Variants in MOGAT1 observed in about 807,000 individuals in gnomAD.
MOGAT1 encodes the protein monoacylglycerol O-acyltransferase 1.
MOGAT1 carries 32 observed loss-of-function variants against 31.4 expected under a neutral mutation model. The observed-to-expected ratio is 1.02, with a 90% CI of 0.77 to 1.37. The LOEUF (loss-of-function observed/expected upper bound fraction) is 1.37. Ranked by LOEUF, MOGAT1 falls within the 40% of genes most tolerant of loss-of-function variation. The pLI, the probability that MOGAT1 is intolerant of heterozygous loss-of-function variation, is 0.00. For synonymous variants in MOGAT1, 145 were observed against 144.5 expected (o/e 1.00, Z -0.03); for missense variants, 426 against 402.0 (o/e 1.06, Z -0.51).
intron 1 of MOGAT1, among the ~76,000 whole-genome samples, chr2:222,687,511 C>T (rs1470155802): frequency 6.6e-6 from 1 of 152,160 alleles, no homozygotes; most frequent in Non-Finnish European, 1.5e-5. Flanking sequence ...ATAACATAGA[C>T]ATTTAAAAAA....
chr2:222,688,401 A>C lies in MOGAT1; in HGVS notation c.152A>C (p.Tyr51Ser). ...MLIIHNYLFL[Y>S]IPYLMWLYFD... ...ATCATACACAACTATTTGTTCCTTT[A>C]CATCCCTTATTTGATGTGGCTTTAC... Residue 51 changes from tyrosine to serine, a missense_variant, in exon 2 of 6, where the codon TAC (tyrosine) becomes TCC (serine). By Grantham distance (144) the Tyr-to-Ser change is moderately radical. Coordinates refer to ENST00000446656, the MANE Select transcript of MOGAT1 (RefSeq NM_058165.3). The C allele has an allele frequency of 6.2e-7, 1 of 1,613,456 alleles. No homozygotes were observed. The highest frequency in any genetic ancestry group is 8.5e-7 in the Non-Finnish European group (1 of 1,179,674).
At chr2:222,695,013 A>G in intron 4 of MOGAT1, 76 bp from the exon 5 acceptor site, 1 of 1,194,438 alleles carries the variant, frequency 8.4e-7, no homozygotes, top group Non-Finnish European at 1.1e-6. Flanking sequence ...AAGTTGTTGC[A>G]AGAGTCAGCT....
intron 5 of MOGAT1, chr2:222,699,224 G>C (rs987174994): frequency 1.3e-5 from 2 of 152,150 alleles, no homozygotes; most frequent in African/African-American, 4.8e-5. Flanking sequence ...GAATGGTCTC[G>C]ATCTCTTGAC....
At chr2:222,706,723 A>T (rs1336212041) in intron 5 of MOGAT1, among the ~76,000 whole-genome samples, 1 of 152,106 alleles carries the variant, frequency 6.6e-6, no homozygotes, top group Non-Finnish European at 1.5e-5. Context: ...GAATAGTTAC[A>T]TTAACCTCTC....
intron 1 of MOGAT1, among the ~76,000 whole-genome samples, chr2:222,674,950 C>T (rs903333728): frequency 2.0e-5 from 3 of 152,156 alleles, no homozygotes; most frequent in Non-Finnish European, 2.9e-5. Context: ...GGATTACAGG[C>T]GCTAGCCACT....
intron 5 of MOGAT1, among the ~76,000 whole-genome samples, chr2:222,708,180 TTC>T (rs1693034821): frequency 6.6e-6 from 1 of 152,152 alleles, no homozygotes; most frequent in African/African-American, 2.4e-5. Flanking sequence ...GCCTCCTGGG[TTC>T]TAGAGGTTGT....
At chr2:222,674,087 T>C (rs371753360) in intron 1 of MOGAT1, among the ~76,000 whole-genome samples, 11 of 152,192 alleles carry the variant, frequency 7.2e-5, no homozygotes, top group East Asian at 5.8e-4. Context: ...TAAAGTGAGT[T>C]ACTCAAGATC....
At chr2:222,701,797 G>A (rs1020654269) in intron 5 of MOGAT1, among the ~76,000 whole-genome samples, 6 of 152,192 alleles carry the variant, frequency 3.9e-5, no homozygotes, top group Non-Finnish European at 7.3e-5. Flanking sequence ...TTGTCATTAA[G>A]AGGCATTTAT....
chr2:222,700,282 G>A (rs927491015), intron 5 of MOGAT1, among the ~76,000 whole-genome samples: 4 of 152,222 alleles, frequency 2.6e-5, no homozygotes, highest in Middle Eastern at 6.8e-3. Flanking sequence ...ATTTGATATC[G>A]CCCAGTTATA....
chr2:222,683,629 G>A (rs1256297521), intron 1 of MOGAT1, among the ~76,000 whole-genome samples: 1 of 152,004 alleles, frequency 6.6e-6, no homozygotes, highest in African/African-American at 2.4e-5. Flanking sequence ...TTGTGAGGCT[G>A]AGGCAGGAGA....
At chr2:222,692,596 T>C (rs1038839232) in intron 3 of MOGAT1, among the ~76,000 whole-genome samples, 1 of 151,838 alleles carries the variant, frequency 6.6e-6, no homozygotes, top group African/African-American at 2.4e-5. Context: ...GCTGTCACTG[T>C]AGAGCTGTCA....
At chr2:222,695,389 T>C in intron 5 of MOGAT1, 101 bp downstream of exon 5, 2 of 672,444 alleles carry the variant, frequency 3.0e-6, no homozygotes, top group Non-Finnish European at 4.8e-6. Context: ...GAGTAAGAAC[T>C]TCCTGAAACA....
rs1692723585 is a variant in MOGAT1, at chr2:222,689,277, C to A, written c.286C>A (p.Gln96Lys). Residue 96 changes from glutamine to lysine, a missense_variant, in exon 3 of 6, where the codon CAA (glutamine) becomes AAA (lysine). Coordinates refer to ENST00000446656, the MANE Select transcript of MOGAT1 (RefSeq NM_058165.3). Reference sequence around the variant, plus strand: ...GAATGTGCTGTAGCTTATCAAAACTCAAGATTTGGATCCAAGTCACAACTA... The same window carrying A: ...GAATGTGCTGTAGCTTATCAAAACTAAAGATTTGGATCCAAGTCACAACTA... ...DYFPIHLIKT[Q>K]DLDPSHNYIF... 6.2e-7 allele frequency: 1 copy of A among 1,612,872 alleles called. No individual in the cohort carries two copies. Among genetic ancestry groups the A allele is most frequent in the South Asian group, 1.1e-5 (1 of 91,008 alleles).
chr2:222,696,080 GAA>G (rs1385858827), intron 5 of MOGAT1, among the ~76,000 whole-genome samples: 3 of 152,188 alleles, frequency 2.0e-5, no homozygotes, highest in African/African-American at 7.2e-5. Flanking sequence ...CCAGGTTGCT[GAA>G]AATGCCATTA....
chr2:222,687,851 C>G (rs1251244252), intron 1 of MOGAT1, among the ~76,000 whole-genome samples: 2 of 152,156 alleles, frequency 1.3e-5, no homozygotes, highest in Non-Finnish European at 2.9e-5. Context: ...TTCTCTACAT[C>G]CCTCCTGTCG....
rs995382447 is a variant in MOGAT1, at chr2:222,689,434, G to A, written c.443G>A (p.Trp148Ter). Reference protein sequence around the residue: ...SYLHVLPLWFWCPVFREYVMS... With the variant: ...SYLHVLPLWF The stretch of plus-strand genomic sequence containing the variant: ...CTTCACGTGCTGCCACTTTGGTTCT[G>A]GTGTCCTGTCTTTCGAGAATATGTG... Residue 148 changes from tryptophan to a stop codon, truncating the protein, a stop_gained, in exon 3 of 6, where the codon TGG becomes TAG. Transcript: ENST00000446656. LOFTEE classifies it high-confidence loss of function. 4 of 1,613,870 alleles carry A rather than the reference G, an allele frequency of 2.5e-6. No individual in the cohort carries two copies. Among genetic ancestry groups the A allele is most frequent in the Non-Finnish European group, 8.5e-7 (1 of 1,179,888 alleles).
At chr2:222,694,633 C>A in intron 4 of MOGAT1, 97 bp downstream of exon 4, 1 of 1,217,938 alleles carries the variant, frequency 8.2e-7, no homozygotes, top group Non-Finnish European at 1.1e-6. Flanking sequence ...CCTTAAAGAC[C>A]TCCTCCAAAT....
intron 1 of MOGAT1, among the ~76,000 whole-genome samples, chr2:222,683,430 TAA>T (rs60533237): frequency 0.02 from 2,833 of 142,684 alleles, 63 homozygotes; most frequent in African/African-American, 0.054. Flanking sequence ...TCACTTAAAT[TAA>T]AAAAAAAAAA....
At chr2:222,674,050 C>T (rs540859063) in intron 1 of MOGAT1, among the ~76,000 whole-genome samples, 1 of 152,330 alleles carries the variant, frequency 6.6e-6, no homozygotes, top group South Asian at 2.1e-4. Flanking sequence ...CCGTTACCCT[C>T]ATTTTACCAA....
Sources: allele counts gnomAD v4.1 joint callset (sites outside exome capture counted in the v4.1 genomes callset), GRCh38; gene constraint gnomAD v4.1.1; transcripts MANE v1.5; gene names NCBI Gene and HGNC (gene_info 2026-07-23, HGNC 2026-07-21).